DDI2: variants seen among roughly 807,000 people sequenced by gnomAD.
DDI2 encodes the protein DDI proteasomal shuttling factor 2, also known as protein DDI1 homolog 2.
In DDI2, 5 loss-of-function variants were observed where a neutral mutation model predicts 48.1. The ratio of observed to expected loss-of-function variants is 0.10; its 90% CI spans 0.05 to 0.22. The LOEUF (loss-of-function observed/expected upper bound fraction) is 0.22. DDI2 is among the 10% of genes least tolerant of loss of function. The probability of loss-of-function intolerance (pLI) is 1.00; values close to 1 mark genes in which losing one functional copy is unlikely to be tolerated. For missense variants in DDI2, 285 were observed against 506.2 expected, an observed-to-expected ratio of 0.56 and a Z score of 4.19; for synonymous variants, 205 against 183.6, an observed-to-expected ratio of 1.12 and a Z score of -0.94.
At chr1:15,645,985 A>G (rs998627986) in intron 6 of DDI2, among the ~76,000 whole-genome samples, 4 of 152,104 alleles carry the variant, frequency 2.6e-5, no homozygotes, top group African/African-American at 7.2e-5. Context: ...GGGAGGGAGA[A>G]AAAGGCTGGC....
At chr1:15,632,921 T>G (rs1198584636) in intron 3 of DDI2, among the ~76,000 whole-genome samples, 10 of 129,258 alleles carry the variant, frequency 7.7e-5, no homozygotes, top group African/African-American at 2.9e-4. Context: ...ACTTTTTTTT[T>G]TTTTTTTTTT....
intron 7 of DDI2, 148 bp downstream of exon 7, chr1:15,649,971 G>A (rs2103476896): frequency 2.8e-6 from 2 of 720,436 alleles, no homozygotes; most frequent in Non-Finnish European, 4.3e-6. Context: ...TTGCTATACA[G>A]AGGTTGAAAT....
At chr1:15,643,417 T>A (rs1046470101) in intron 5 of DDI2, 105 bp from the exon 6 acceptor site, 16 of 1,494,282 alleles carry the variant, frequency 1.1e-5, no homozygotes, top group Non-Finnish European at 1.4e-5. Flanking sequence ...ACCAAAGCCT[T>A]GGGGTGTGCT....
intron 9 of DDI2, among the ~76,000 whole-genome samples, chr1:15,658,793 G>A (rs1640314132): frequency 6.6e-6 from 1 of 151,882 alleles, no homozygotes; most frequent in Non-Finnish European, 1.5e-5. Context: ...ATGCGTAGAG[G>A]TCAATTTTTA....
chr1:15,623,139 A>G (rs1281077543), intron 1 of DDI2, among the ~76,000 whole-genome samples: 1 of 152,102 alleles, frequency 6.6e-6, no homozygotes, highest in Non-Finnish European at 1.5e-5. Flanking sequence ...GTGAAGTGGG[A>G]GTCAGAGCGG....
intron 6 of DDI2, among the ~76,000 whole-genome samples, chr1:15,644,458 T>C (rs56032936): frequency 0.31 from 47,445 of 151,948 alleles, 8,128 homozygotes; most frequent in African/African-American, 0.43. Flanking sequence ...TTGGAAATCA[T>C]TTTCCTTCAC....
chr1:15,626,921 T>G (rs1639763879), intron 2 of DDI2, 123 bp downstream of exon 2: 1 of 1,244,080 alleles, frequency 8.0e-7, no homozygotes, highest in Non-Finnish European at 1.1e-6. Context: ...GACTCTGCCT[T>G]TTCCCTGCCG....
At chr1:15,650,169 A>G (rs1640155615) in intron 7 of DDI2, among the ~76,000 whole-genome samples, 1 of 152,210 alleles carries the variant, frequency 6.6e-6, no homozygotes, top group Non-Finnish European at 1.5e-5. Context: ...AGTCTTTAGC[A>G]TTCTCTGATG....
At chr1:15,644,580 T>A (rs940925325) in intron 6 of DDI2, among the ~76,000 whole-genome samples, 1 of 122,530 alleles carries the variant, frequency 8.2e-6, no homozygotes, top group East Asian at 2.0e-4. Flanking sequence ...TCTTTTCAGT[T>A]TTTTTTGTTT....
chr1:15,648,688 A>G (rs1392317406), intron 6 of DDI2, among the ~76,000 whole-genome samples: 1 of 152,176 alleles, frequency 6.6e-6, no homozygotes, highest in Non-Finnish European at 1.5e-5. Flanking sequence ...GACAAGAGGT[A>G]TCCATGGGGA....
intron 8 of DDI2, among the ~76,000 whole-genome samples, chr1:15,654,529 G>A (rs944206188): frequency 1.3e-5 from 2 of 151,792 alleles, no homozygotes; most frequent in East Asian, 1.9e-4. Context: ...ATGGTGGCGC[G>A]CCTATGGTCT....
At position 15,660,369 on chromosome 1, in the gene DDI2, G is replaced by A; in HGVS notation, c.*579G>A. 4 of 1,613,938 alleles carry A rather than the reference G, an allele frequency of 2.5e-6. No homozygotes were observed. Among genetic ancestry groups the A allele is most frequent in the African/African-American group, 1.3e-5 (1 of 75,016 alleles). On this transcript the variant is annotated 3_prime_UTR_variant, in exon 10 of 10. Transcript: ENST00000480945. ...TGAGTCAAGTGAGTGACCCTCAGCA[G>A]CACGAAGAACCAGGGAATGAACAGT...
intron 5 of DDI2, among the ~76,000 whole-genome samples, chr1:15,641,785 T>C (rs1052643564): frequency 2.0e-5 from 3 of 151,654 alleles, no homozygotes; most frequent in Admixed American, 2.0e-4. Context: ...TGAAGCCCCA[T>C]CTCTACTAAA....
chr1:15,640,695 A>C (rs1639993945), intron 5 of DDI2, among the ~76,000 whole-genome samples: 1 of 152,222 alleles, frequency 6.6e-6, no homozygotes, highest in South Asian at 2.1e-4. Flanking sequence ...TAAATTAAGA[A>C]GGAGGAAGAA....
chr1:15,645,651 T>G (rs1421834555), intron 6 of DDI2, among the ~76,000 whole-genome samples: 1 of 152,142 alleles, frequency 6.6e-6, no homozygotes, highest in African/African-American at 2.4e-5. Flanking sequence ...GGATGATGGC[T>G]TGAGGCCAGG....
At chr1:15,637,317 T>C (rs1199514445) in intron 4 of DDI2, among the ~76,000 whole-genome samples, 1 of 152,074 alleles carries the variant, frequency 6.6e-6, no homozygotes, top group Non-Finnish European at 1.5e-5. Flanking sequence ...GGGATCCACC[T>C]ACTTTGGCCT....
chr1:15,625,360 A>C (rs530634513), intron 1 of DDI2, among the ~76,000 whole-genome samples: 8 of 152,124 alleles, frequency 5.3e-5, no homozygotes, highest in African/African-American at 1.9e-4. Flanking sequence ...TAGGAGGAAA[A>C]CCTTTCAAAG....
chr1:15,631,917 C>T (rs1340494906), intron 3 of DDI2, among the ~76,000 whole-genome samples: 1 of 151,904 alleles, frequency 6.6e-6, no homozygotes, highest in Non-Finnish European at 1.5e-5. Flanking sequence ...GCGATTCTCC[C>T]GCCTCAGTGT....
intron 1 of DDI2, among the ~76,000 whole-genome samples, chr1:15,626,240 A>C (rs1639751897): frequency 6.6e-6 from 1 of 152,226 alleles, no homozygotes; most frequent in Admixed American, 6.5e-5. Flanking sequence ...AGTAGTTTAC[A>C]TTTAATGGGG....
Sources: allele counts gnomAD v4.1 joint callset (sites outside exome capture counted in the v4.1 genomes callset), GRCh38; gene constraint gnomAD v4.1.1; transcripts MANE v1.5; gene names NCBI Gene and HGNC (gene_info 2026-07-23, HGNC 2026-07-21).